MREG: variants seen among roughly 807,000 people sequenced by gnomAD.
MREG encodes dilute suppressor protein homolog.
A neutral mutation model predicts 28.5 loss-of-function variants in MREG; 31 were observed. The observed-to-expected ratio is 1.09, with a 90% CI of 0.82 to 1.47. MREG has a LOEUF of 1.47. Among genes scored for constraint, MREG ranks in the 40% most tolerant of loss-of-function variants. MREG has a pLI of 0.00. For synonymous variants in MREG, 106 were observed against 95.2 expected, an observed-to-expected ratio of 1.11 and a Z score of -0.66; for missense variants, 256 against 257.4, an observed-to-expected ratio of 0.99 and a Z score of 0.04.
In MREG at chr2:215,942,734, T is replaced by C. The variant is rs973810442; in HGVS notation, c.*2129A>G. 2 of 152,684 alleles carry C rather than the reference T, an allele frequency of 1.3e-5. No individual in the cohort carries two copies. The highest frequency in any genetic ancestry group is 2.1e-4 in the South Asian group (1 of 4,836). The allele number at this position is 152,684 out of a possible 1,614,324, so 9.5% of individuals were successfully genotyped here. The stretch of plus-strand genomic sequence containing the variant: ...TTATAGATGCACACAATCTCATCTA[T>C]TTTGACATAAAAAAGGCAGAAAGGC... On this transcript the variant is annotated 3_prime_UTR_variant, in exon 5 of 5. Coordinates refer to ENST00000263268, the MANE Select transcript of MREG (RefSeq NM_018000.3).
chr2:216,032,842 T>C (rs547445467), exon 1 of MREG: 3 of 152,360 alleles, frequency 2.0e-5, no homozygotes, highest in East Asian at 1.9e-4. Flanking sequence ...TTTCAATAGA[T>C]GCCTTCTTTG....
At chr2:215,962,096 G>A (rs1267418099) in intron 2 of MREG, among the ~76,000 whole-genome samples, 3 of 152,192 alleles carry the variant, frequency 2.0e-5, no homozygotes, top group Admixed American at 6.5e-5. Flanking sequence ...GGTCAAATGC[G>A]AAGGCTGAGT....
chr2:215,969,543 G>C (rs1235317688), intron 2 of MREG, among the ~76,000 whole-genome samples: 2 of 152,180 alleles, frequency 1.3e-5, no homozygotes, highest in African/African-American at 4.8e-5. Flanking sequence ...GTAAGGCAGA[G>C]AAAAACAAAT....
intron 2 of MREG, among the ~76,000 whole-genome samples, chr2:215,954,926 C>T (rs1037715506): frequency 3.9e-5 from 6 of 152,172 alleles, no homozygotes; most frequent in African/African-American, 1.2e-4. Context: ...TGGTCTCGAA[C>T]GCCTGACCTC....
chr2:216,018,658 A>C (rs948584232), intron 1 of MREG, among the ~76,000 whole-genome samples: 2 of 152,234 alleles, frequency 1.3e-5, no homozygotes, highest in Non-Finnish European at 2.9e-5. Flanking sequence ...AAGATAGAGA[A>C]GCAACATGCC....
Position 215,944,839 on chromosome 2 carries a change from C to T in MREG, c.*24G>A. On this transcript the variant is annotated 3_prime_UTR_variant, in exon 5 of 5. Transcript: ENST00000263268. The stretch of plus-strand genomic sequence containing the variant: ...CTGCTGAGTCCTCATGGAAGAATTC[C>T]CATTCTGCCCCTGAGCCTCTCCTTT... 1.9e-6 allele frequency: 3 copies of T among 1,558,366 alleles called. No homozygotes were observed. The highest frequency in any genetic ancestry group is 2.6e-6 in the Non-Finnish European group (3 of 1,138,748).
intron 2 of MREG, among the ~76,000 whole-genome samples, chr2:215,992,446 A>G (rs566371114): frequency 6.6e-6 from 1 of 152,276 alleles, no homozygotes; most frequent in African/African-American, 2.4e-5. Context: ...TGACAAACCC[A>G]CGGCCAGTAT....
At chr2:216,030,099 A>G (rs1460896862) in intron 1 of MREG, among the ~76,000 whole-genome samples, 1 of 152,238 alleles carries the variant, frequency 6.6e-6, no homozygotes, top group African/African-American at 2.4e-5. Context: ...GGTTATAAAG[A>G]AGATTTAGGT....
Position 215,942,745 on chromosome 2 carries a change from A to G in MREG, c.*2118T>C, listed in dbSNP as rs1453254697. On this transcript the variant is annotated 3_prime_UTR_variant, in exon 5 of 5. Transcript: ENST00000263268. The stretch of plus-strand genomic sequence containing the variant: ...CACAATCTCATCTATTTTGACATAA[A>G]AAAGGCAGAAAGGCAAAATACAAAT... The G allele has an allele frequency of 2.0e-5, 3 of 152,686 alleles. No homozygotes were observed. The highest frequency in any genetic ancestry group is 2.9e-5 in the Non-Finnish European group (2 of 68,060). The allele number at this position is 152,686 out of a possible 1,614,324, so 9.5% of individuals were successfully genotyped here. A position where few individuals can be genotyped will look rare whatever the true frequency, so the allele number is the denominator to read the frequency against.
chr2:215,976,037 G>A (rs1291189208), intron 2 of MREG, among the ~76,000 whole-genome samples: 3 of 151,874 alleles, frequency 2.0e-5, no homozygotes, highest in Non-Finnish European at 2.9e-5. Context: ...GAACCCAGGA[G>A]GCAGGGGTTG....
chr2:216,016,747 T>C (rs1258932068), upstream of MREG, among the ~76,000 whole-genome samples: 5 of 152,350 alleles, frequency 3.3e-5, no homozygotes, highest in African/African-American at 1.2e-4. Flanking sequence ...TTGGCTTGCA[T>C]ATGACATTTG....
chr2:215,954,445 A>AACACACACACAC (rs3078454), intron 2 of MREG, among the ~76,000 whole-genome samples: 8,924 of 136,408 alleles, frequency 0.065, 310 homozygotes, highest in Middle Eastern at 0.11. Flanking sequence ...ATCTGTGTAC[A>AACACACACACAC]ACACACACAC....
chr2:215,953,846 G>C (rs1309356115), intron 2 of MREG, among the ~76,000 whole-genome samples: 1 of 152,140 alleles, frequency 6.6e-6, no homozygotes, highest in African/African-American at 2.4e-5. Context: ...AGTATATAAA[G>C]GACAATATAG....
At chr2:216,020,025 G>A (rs2372683) in intron 1 of MREG, among the ~76,000 whole-genome samples, 20,395 of 150,652 alleles carry the variant, frequency 0.14, 1,666 homozygotes, top group South Asian at 0.22. Flanking sequence ...TCCCAGGGAG[G>A]AAAAAAAAAC....
chr2:215,970,588 C>A (rs977167247), intron 2 of MREG, among the ~76,000 whole-genome samples: 2 of 152,186 alleles, frequency 1.3e-5, no homozygotes, highest in African/African-American at 4.8e-5. Flanking sequence ...CACAGCCATA[C>A]ATGCACAAGG....
At chr2:216,033,581 C>T (rs960994306), upstream of MREG, 2 of 152,272 alleles carry the variant, frequency 1.3e-5, no homozygotes, top group Non-Finnish European at 2.9e-5. Context: ...AAAGGGTGGC[C>T]TCAGTCAAGA....
At chr2:215,954,445 A>AACACACACAC (rs3078454) in intron 2 of MREG, among the ~76,000 whole-genome samples, 8,458 of 136,442 alleles carry the variant, frequency 0.062, 316 homozygotes, top group Middle Eastern at 0.083. Context: ...ATCTGTGTAC[A>AACACACACAC]ACACACACAC....
chr2:216,030,550 A>AT (rs538194722), intron 1 of MREG, among the ~76,000 whole-genome samples: 7,211 of 148,032 alleles, frequency 0.049, 209 homozygotes, highest in Middle Eastern at 0.087. Flanking sequence ...ATATTTTGCA[A>AT]TTTTTTTTTT....
At chr2:216,004,888 T>C (rs1694109747) in intron 1 of MREG, among the ~76,000 whole-genome samples, 1 of 152,120 alleles carries the variant, frequency 6.6e-6, no homozygotes, top group South Asian at 2.1e-4. Flanking sequence ...CAGGGTAGAA[T>C]GTTCTGATAA....
Sources: allele counts gnomAD v4.1 joint callset (sites outside exome capture counted in the v4.1 genomes callset), GRCh38; gene constraint gnomAD v4.1.1; transcripts MANE v1.5; gene names NCBI Gene and HGNC (gene_info 2026-07-23, HGNC 2026-07-21).